ANKAR: variants seen among roughly 807,000 people sequenced by gnomAD.
The protein encoded by ANKAR is ankyrin and armadillo repeat containing.
ANKAR carries 136 observed loss-of-function variants against 146.2 expected under a neutral mutation model. The ratio of observed to expected loss-of-function variants is 0.93; its 90% CI spans 0.81 to 1.07. ANKAR has a LOEUF of 1.07. ANKAR is among the 50% of genes least tolerant of loss of function. The pLI is 0.00. For missense variants in ANKAR, 1,567 were observed against 1,679.9 expected, an observed-to-expected ratio of 0.93 and a Z score of 1.18; for synonymous variants, 500 against 575.8, an observed-to-expected ratio of 0.87 and a Z score of 1.88.
intron 7 of ANKAR, 74 bp from the exon 8 acceptor site, chr2:189,704,949 A>G: frequency 2.2e-6 from 3 of 1,388,472 alleles, no homozygotes; most frequent in Non-Finnish European, 3.0e-6. Context: ...GTGGCTGGAT[A>G]TCAATAAGGC....
At chr2:189,751,092 C>T (rs1232843879), downstream of ANKAR, among the ~76,000 whole-genome samples, 1 of 152,276 alleles carries the variant, frequency 6.6e-6, no homozygotes, top group Admixed American at 6.5e-5. Context: ...CTGCCTTGCC[C>T]CTTTTCTACC....
At position 189,727,901 on chromosome 2, in the gene ANKAR, G is replaced by T. The variant is rs757357867; in HGVS notation, c.2681G>T (p.Arg894Leu). ...TCTGCTGCAATTGCTGAGGTTGGGC[G>T]TGACAATAAGGAAATTCAGGATGCT... ...VSSAAIAEVGRDNKEIQDAIA... is the reference protein window; with the variant it reads ...VSSAAIAEVGLDNKEIQDAIA... Residue 894 changes from arginine (R) to leucine (L), a missense_variant, in exon 13 of 23, where the codon CGT becomes CTT. Physicochemically the swap from Arg to Leu is moderately radical, Grantham distance 102. Transcript: ENST00000684021. 103 of 1,613,882 alleles carry T rather than the reference G, an allele frequency of 6.4e-5. No individual in the cohort carries two copies. The highest frequency in any genetic ancestry group is 3.5e-4 in the Admixed American group (21 of 59,962).
At chr2:189,702,634 T>C (rs1428667236) in intron 7 of ANKAR, among the ~76,000 whole-genome samples, 1 of 152,204 alleles carries the variant, frequency 6.6e-6, no homozygotes, top group South Asian at 2.1e-4. Context: ...TAGGATGAAA[T>C]GGTAACTTCT....
chr2:189,728,044 C>T lies in ANKAR; in HGVS notation c.2824C>T (p.Gln942Ter), dbSNP rs769073670. ...ESLASHNALI[Q>*]KAFLEKSLTK... ...ACTGGCAAGTCACAACGCTCTTATA[C>T]AGAAAGCATTTCTGGAAAAATCGTT... Residue 942 changes from glutamine (Q) to a stop codon, truncating the protein, a stop_gained, in exon 13 of 23, where the codon CAG (glutamine) becomes TAG (stop). Transcript: ENST00000684021. LOFTEE classifies it high-confidence loss of function. 3 of 1,613,718 alleles carry T rather than the reference C, an allele frequency of 1.9e-6. No individual in the cohort carries two copies. The highest frequency in any genetic ancestry group is 2.2e-5 in the South Asian group (2 of 91,016).
intron 2 of ANKAR, among the ~76,000 whole-genome samples, chr2:189,680,703 G>A (rs555213923): frequency 1.4e-4 from 22 of 152,094 alleles, no homozygotes; most frequent in African/African-American, 5.1e-4. Context: ...AGATCATTCT[G>A]GAGCAGATTA....
At chr2:189,746,117 T>G (rs1189733709) in intron 22 of ANKAR, among the ~76,000 whole-genome samples, 2 of 152,224 alleles carry the variant, frequency 1.3e-5, no homozygotes, top group Non-Finnish European at 2.9e-5. Flanking sequence ...CTTTTTTTAG[T>G]ATTAAAATAT....
chr2:189,748,303 A>T (rs1213589470), downstream of ANKAR, among the ~76,000 whole-genome samples: 2 of 152,188 alleles, frequency 1.3e-5, no homozygotes, highest in Non-Finnish European at 2.9e-5. Flanking sequence ...CCTGGGTTCA[A>T]AGCAATCATC....
intron 18 of ANKAR, chr2:189,755,452 T>C (rs1191392765): frequency 1.2e-6 from 2 of 1,606,510 alleles, no homozygotes; most frequent in Non-Finnish European, 1.7e-6. Context: ...TTGCAATTGC[T>C]GAGAGGTCAC....
intron 3 of ANKAR, among the ~76,000 whole-genome samples, chr2:189,691,894 T>C (rs1296243377): frequency 6.6e-6 from 1 of 151,922 alleles, no homozygotes. Flanking sequence ...CCCAAGTAAC[T>C]GGGATTACAT....
intron 10 of ANKAR, among the ~76,000 whole-genome samples, chr2:189,713,331 T>C (rs2039967735): frequency 6.6e-6 from 1 of 151,764 alleles, no homozygotes; most frequent in African/African-American, 2.4e-5. Context: ...TTCACCAAGG[T>C]TGAAATGAAA....
Position 189,746,607 on chromosome 2 carries a change from C to A in ANKAR, c.4285C>A (p.Pro1429Thr). 1 of 1,604,722 alleles carries A rather than the reference C, an allele frequency of 6.2e-7. No homozygotes were observed. The highest frequency in any genetic ancestry group is 8.5e-7 in the Non-Finnish European group (1 of 1,177,368). The change falls in exon 23 of 23, where the codon CCA becomes ACA. Residue 1429 changes from proline (P) to threonine (T), a missense_variant. Coordinates refer to ENST00000684021, the MANE Select transcript of ANKAR (RefSeq NM_001378068.1). ...QLGKHVQKANPEPAEG is the reference protein window; with the variant it reads ...QLGKHVQKANTEPAEG ...TGGGAAACATGTCCAGAAAGCCAAC[C>A]CAGAGCCTGCAGAAGGCTAATAAAA...
chr2:189,721,944 G>A lies in ANKAR; in HGVS notation c.2635+1157G>A, dbSNP rs138471750. Among the ~76,000 whole-genome samples, 26 of 152,224 alleles carry A rather than the reference G, an allele frequency of 1.7e-4. No homozygotes were observed. The East Asian group carries it at 2.3e-3, about 14-fold the overall frequency. ...GTGTCACTTTCTAAGAACCTCTATC[G>A]TGTGGTGACATCATTTGAAAGCCCT... is the stretch of plus-strand genomic sequence containing the variant. On this transcript the variant is annotated intron_variant, in intron 12 of 22. Coordinates refer to ENST00000684021, the MANE Select transcript of ANKAR (RefSeq NM_001378068.1).
chr2:189,705,992 T>G (rs2038880903), intron 8 of ANKAR, among the ~76,000 whole-genome samples: 1 of 151,334 alleles, frequency 6.6e-6, no homozygotes, highest in African/African-American at 2.4e-5. Flanking sequence ...GGCTTGACAG[T>G]ATGAGGGACA....
intron 18 of ANKAR, chr2:189,754,236 T>C: frequency 5.6e-6 from 9 of 1,613,912 alleles, no homozygotes; most frequent in Non-Finnish European, 7.6e-6. Context: ...CAAGGGAGGT[T>C]TGATGTCAAA....
chr2:189,753,047 G>A, intron 18 of ANKAR: 3 of 1,388,618 alleles, frequency 2.2e-6, no homozygotes, highest in South Asian at 1.5e-5. Context: ...AATTAAACCT[G>A]GAGAAAAATA....
downstream of ANKAR, chr2:189,762,900 C>T (rs759544819): frequency 2.4e-5 from 24 of 985,320 alleles, no homozygotes; most frequent in Admixed American, 6.1e-4. Context: ...AAAACGCTCT[C>T]TGTGCGCACC....
intron 18 of ANKAR, chr2:189,755,114 C>A (rs2045907743): frequency 1.3e-6 from 2 of 1,557,118 alleles, no homozygotes; most frequent in East Asian, 2.3e-5. Flanking sequence ...ACATCTATTG[C>A]TACTTAGTTG....
At chr2:189,737,091 G>GA (rs1244536937) in intron 17 of ANKAR, among the ~76,000 whole-genome samples, 6 of 137,918 alleles carry the variant, frequency 4.4e-5, no homozygotes, top group South Asian at 2.4e-4. Context: ...AAAAGAAAAA[G>GA]AAAAAAAAAG....
At chr2:189,727,059 T>G (rs945038598) in intron 12 of ANKAR, among the ~76,000 whole-genome samples, 2 of 152,070 alleles carry the variant, frequency 1.3e-5, no homozygotes, top group African/African-American at 2.4e-5. Flanking sequence ...TGAGACAGCA[T>G]TTTTTCTATC....
Sources: gnomAD v4.1 joint callset for allele counts (sites outside exome capture counted in the v4.1 genomes callset) on GRCh38, gnomAD v4.1.1 for gene constraint, MANE v1.5 for transcripts, NCBI Gene and HGNC (gene_info 2026-07-23, HGNC 2026-07-21) for gene names.